The following HOMER2 variants were observed in gnomAD, a reference collection of about 807,000 sequenced individuals.
HOMER2 encodes homer protein homolog 2.
HOMER2 carries 27 observed loss-of-function variants against 47.0 expected under a neutral mutation model. That is an observed-to-expected ratio of 0.57 (90% CI 0.42 to 0.79). HOMER2 has a LOEUF of 0.79. HOMER2 is among the 30% of genes least tolerant of loss of function. The pLI is 0.00. For missense variants in HOMER2, 443 were observed against 435.0 expected (o/e 1.02, Z -0.16); for synonymous variants, 161 against 163.8 (o/e 0.98, Z 0.13).
At chr15:82,986,102 G>A (rs2030592435), upstream of HOMER2, 3 of 985,428 alleles carry the variant, frequency 3.0e-6, no homozygotes, top group African/African-American at 3.5e-5. Flanking sequence ...TGGGCGTTGT[G>A]CCAGCATTTG....
At chr15:82,916,054 A>G (rs950979389) in intron 1 of HOMER2, among the ~76,000 whole-genome samples, 18 of 152,232 alleles carry the variant, frequency 1.2e-4, no homozygotes, top group Non-Finnish European at 1.5e-5. Context: ...CAGCCTAGCT[A>G]CAACTTTCTG....
chr15:82,899,972 A>G (rs28393397), intron 1 of HOMER2, among the ~76,000 whole-genome samples: 2,113 of 152,158 alleles, frequency 0.014, 53 homozygotes, highest in African/African-American at 0.048. Context: ...CAGGGAGCCG[A>G]GATTATGCAA....
At chr15:82,963,756 C>T (rs2054650472) in intron 1 of HOMER2, among the ~76,000 whole-genome samples, 1 of 152,204 alleles carries the variant, frequency 6.6e-6, no homozygotes, top group Non-Finnish European at 1.5e-5. Context: ...CCCAGGCAGT[C>T]TTATCATGGG....
chr15:82,866,052 G>A (rs1377524149), intron 3 of HOMER2, among the ~76,000 whole-genome samples: 2 of 152,106 alleles, frequency 1.3e-5, no homozygotes, highest in Non-Finnish European at 2.9e-5. Flanking sequence ...CCCCAGAATA[G>A]TAGATCAACT....
chr15:82,877,476 G>A (rs1245216785), intron 2 of HOMER2, among the ~76,000 whole-genome samples: 1 of 152,138 alleles, frequency 6.6e-6, no homozygotes, highest in East Asian at 1.9e-4. Flanking sequence ...GCTGAGATTT[G>A]GGAAAGGTTA....
rs1382854234 is a variant in HOMER2 at position 82,854,752 on chromosome 15, C to G, written c.543G>C (p.Glu181Asp). The stretch of plus-strand genomic sequence containing the variant: ...GTGCTGTGGTCAGCCGTGCATTGCT[C>G]TCCCGAAGGGTCTGCAGCTCGATCT... The part of the protein sequence containing the change: ...KWEIELQTLR[E>D]SNARLTTALQ... Residue 181 changes from glutamate to aspartate, a missense_variant, in exon 6 of 9, where the codon GAG becomes GAC. Physicochemically the swap from Glu to Asp is conservative, Grantham distance 45. Coordinates refer to ENST00000450735, the MANE Select transcript of HOMER2 (RefSeq NM_004839.4). 7.3e-5 allele frequency: 118 copies of G among 1,612,016 alleles called. No individual in the cohort carries two copies. The Admixed American group carries it at 2.0e-3, about 27-fold the overall frequency.
chr15:82,835,692 C>T (rs962459173), downstream of HOMER2: 1 of 152,380 alleles, frequency 6.6e-6, no homozygotes, highest in Non-Finnish European at 1.5e-5. Context: ...CTGCACTGGC[C>T]CCTGTACCTG....
intron 1 of HOMER2, among the ~76,000 whole-genome samples, chr15:82,966,221 A>G (rs1430013318): frequency 6.6e-6 from 1 of 152,186 alleles, no homozygotes; most frequent in Non-Finnish European, 1.5e-5. Context: ...TGGAGCTCAA[A>G]GTATGTGGGA....
At position 82,854,653 on chromosome 15, in the gene HOMER2, G is replaced by A; in HGVS notation, c.642C>T (p.Leu214=). ...FSICRDENDR[L]RNKIDELEEQ... The stretch of plus-strand genomic sequence containing the variant: ...CATCCACCGTACCCACCTTGTTGCG[G>A]AGCCGGTCATTCTCATCACGGCAGA... The change falls in exon 6 of 9, where the codon CTC becomes CTT. Residue 214 remains leucine, a synonymous_variant. Coordinates refer to ENST00000450735, the MANE Select transcript of HOMER2 (RefSeq NM_004839.4). The A allele has an allele frequency of 6.2e-7, 1 of 1,612,286 alleles. No homozygotes were observed. Among genetic ancestry groups the A allele is most frequent in the South Asian group, 1.1e-5 (1 of 90,940 alleles).
intron 1 of HOMER2, among the ~76,000 whole-genome samples, chr15:82,935,881 C>T (rs1466485031): frequency 1.3e-5 from 2 of 152,184 alleles, no homozygotes; most frequent in Non-Finnish European, 2.9e-5. Flanking sequence ...CAACTGTTGT[C>T]CCCTTCCACT....
chr15:82,957,766 C>G (rs894076299), downstream of HOMER2, among the ~76,000 whole-genome samples: 3 of 152,224 alleles, frequency 2.0e-5, no homozygotes, highest in Non-Finnish European at 4.4e-5. Context: ...TCCTCTGCCT[C>G]TCCCATCCAG....
intron 3 of HOMER2, among the ~76,000 whole-genome samples, chr15:82,865,824 G>T (rs931206094): frequency 2.0e-5 from 3 of 152,218 alleles, no homozygotes; most frequent in Non-Finnish European, 4.4e-5. Context: ...CAGGTACACA[G>T]AAGTCAAGAA....
At chr15:82,980,620 C>T (rs891909001) in intron 1 of HOMER2, among the ~76,000 whole-genome samples, 8 of 151,990 alleles carry the variant, frequency 5.3e-5, no homozygotes, top group African/African-American at 1.9e-4. Flanking sequence ...CCCTGACTGA[C>T]CATCACATAA....
upstream of HOMER2, among the ~76,000 whole-genome samples, chr15:82,953,048 T>C (rs1375123320): frequency 1.3e-5 from 2 of 152,202 alleles, no homozygotes; most frequent in Admixed American, 6.5e-5. Flanking sequence ...GGGCTACCTT[T>C]ACTTTGCAGA....
chr15:82,955,958 G>A (rs577787341), upstream of HOMER2, among the ~76,000 whole-genome samples: 1 of 152,288 alleles, frequency 6.6e-6, no homozygotes, highest in South Asian at 2.1e-4. Context: ...GAGGCCTGAT[G>A]GCTGGGTGTG....
chr15:82,907,490 GGAAA>G lies in HOMER2; in HGVS notation c.6-14653_6-14650del, dbSNP rs760492830. Among the ~76,000 whole-genome samples the G allele has an allele frequency of 6.7e-5, 10 of 150,362 alleles. No individual in the cohort carries two copies. In the East Asian group the frequency reaches 1.2e-3, roughly 18 times the overall value. ...GAAGGAGAAAGGAAGGAAAGAAAAAGGAAAGAAAGCAAGAAGGAAGGAAGGAAGG... is the reference window on the plus strand; with the variant it reads ...GAAGGAGAAAGGAAGGAAAGAAAAAGGAAAGCAAGAAGGAAGGAAGGAAGG... On this transcript the variant is annotated intron_variant, in intron 1 of 8. Transcript: ENST00000450735.
At chr15:82,937,943 T>A (rs1333591560) in intron 1 of HOMER2, among the ~76,000 whole-genome samples, 1 of 152,226 alleles carries the variant, frequency 6.6e-6, no homozygotes. Context: ...AACCGGTCCC[T>A]GAAGGCTGTT....
At chr15:82,862,068 CTCTTT>C (rs1051502427) in intron 4 of HOMER2, among the ~76,000 whole-genome samples, 1 of 128,526 alleles carries the variant, frequency 7.8e-6, no homozygotes, top group African/African-American at 3.2e-5. Context: ...GTCTTTCTCT[CTCTTT>C]TTTTTTTTTT....
chr15:82,956,265 C>A, upstream of HOMER2, among the ~76,000 whole-genome samples: 1 of 147,424 alleles, frequency 6.8e-6, no homozygotes, highest in African/African-American at 2.5e-5. Flanking sequence ...AAAGAAGAGG[C>A]TTGAAGACAA....
Sources: gnomAD v4.1 joint callset for allele counts (sites outside exome capture counted in the v4.1 genomes callset) on GRCh38, gnomAD v4.1.1 for gene constraint, MANE v1.5 for transcripts, NCBI Gene and HGNC (gene_info 2026-07-23, HGNC 2026-07-21) for gene names.